SLC39A9: variants seen among roughly 807,000 people sequenced by gnomAD.
The protein encoded by SLC39A9 is solute carrier family 39 member 9.
SLC39A9 carries 14 observed loss-of-function variants against 28.4 expected under a neutral mutation model. That is an observed-to-expected ratio of 0.49 (90% CI 0.33 to 0.77). The LOEUF (loss-of-function observed/expected upper bound fraction) is 0.77. Among genes scored for constraint, SLC39A9 ranks in the 30% least tolerant of loss-of-function variants. SLC39A9 has a pLI of 0.02. For missense variants in SLC39A9, 283 were observed against 381.1 expected, an observed-to-expected ratio of 0.74 and a Z score of 2.14; for synonymous variants, 119 against 149.6, an observed-to-expected ratio of 0.80 and a Z score of 1.49.
rs1886094385 is a variant in SLC39A9, at chr14:69,461,143, T to C, written c.*2550T>C. The stretch of plus-strand genomic sequence containing the variant: ...GCTGCCATGATTACAGATGGAATTA[T>C]TGGCTACCAAAGAGACGCAATTGAT... On this transcript the variant is annotated 3_prime_UTR_variant, in exon 7 of 7. Transcript: ENST00000336643. The C allele has an allele frequency of 1.0e-6, 1 of 987,110 alleles. No individual in the cohort carries two copies. Among genetic ancestry groups the C allele is most frequent in the African/African-American group, 1.7e-5 (1 of 57,266 alleles). The allele number at this position is 987,110 out of a possible 1,614,324, so 61.1% of individuals were successfully genotyped here. A position where few individuals can be genotyped will look rare whatever the true frequency, so the allele number is the denominator to read the frequency against.
At chr14:69,455,682 A>G in intron 5 of SLC39A9, 50 bp from the exon 6 acceptor site, 1 of 1,608,122 alleles carries the variant, frequency 6.2e-7, no homozygotes, top group East Asian at 2.2e-5. Flanking sequence ...TTGATGTAGA[A>G]GCAACCCATA....
chr14:69,442,874 A>G (rs1885113208), intron 3 of SLC39A9, among the ~76,000 whole-genome samples: 1 of 152,192 alleles, frequency 6.6e-6, no homozygotes, highest in African/African-American at 2.4e-5. Context: ...TTAAACATCT[A>G]GTTGATTTTG....
At chr14:69,454,988 A>G in intron 5 of SLC39A9, 91 bp downstream of exon 5, 1 of 889,854 alleles carries the variant, frequency 1.1e-6, no homozygotes, top group Admixed American at 2.3e-5. Flanking sequence ...GAATGGGAAC[A>G]TTTTCTTCAT....
At chr14:69,442,336 A>G in intron 3 of SLC39A9, 70 bp downstream of exon 3, 2 of 1,460,646 alleles carry the variant, frequency 1.4e-6, no homozygotes, top group Admixed American at 3.5e-5. Flanking sequence ...ACGATCAAAT[A>G]TTTCAGTCTG....
chr14:69,411,327 C>G (rs1223588123), intron 1 of SLC39A9, among the ~76,000 whole-genome samples: 1 of 152,058 alleles, frequency 6.6e-6, no homozygotes, highest in East Asian at 1.9e-4. Flanking sequence ...TTGGTGTCTG[C>G]CAAGAAATAT....
intron 2 of SLC39A9, among the ~76,000 whole-genome samples, chr14:69,432,330 TC>T (rs981008121): frequency 6.6e-6 from 1 of 152,226 alleles, no homozygotes; most frequent in Non-Finnish European, 1.5e-5. Flanking sequence ...GAGTGGTTTT[TC>T]ATGTTTGTTG....
chr14:69,434,130 C>T (rs1347175903), intron 2 of SLC39A9, among the ~76,000 whole-genome samples: 2 of 146,806 alleles, frequency 1.4e-5, no homozygotes, highest in Non-Finnish European at 3.0e-5. Context: ...GTTGCCCAGA[C>T]TGGAGTGCAG....
intron 3 of SLC39A9, among the ~76,000 whole-genome samples, chr14:69,452,841 T>G (rs965069893): frequency 7.9e-5 from 12 of 152,172 alleles, no homozygotes; most frequent in African/African-American, 2.4e-4. Context: ...TAGATTGGTC[T>G]GGAAAGAAAT....
At chr14:69,446,953 G>T (rs1332181994) in intron 3 of SLC39A9, among the ~76,000 whole-genome samples, 2 of 147,532 alleles carry the variant, frequency 1.4e-5, no homozygotes, top group African/African-American at 5.0e-5. Context: ...TATATAGAGA[G>T]AGAGAGAGAG....
rs1158248472 is a variant in SLC39A9 at position 69,459,962 on chromosome 14, CAT to C, written c.*1370_*1371del. Reference sequence around the variant, plus strand: ...TTGAGCCCTTAAAATACCACCTCCTCATGTGTAAATTGACACAATCACTAATC... The same window carrying C: ...TTGAGCCCTTAAAATACCACCTCCTCGTGTAAATTGACACAATCACTAATC... On this transcript the variant is annotated 3_prime_UTR_variant, in exon 7 of 7. Coordinates refer to ENST00000336643, the MANE Select transcript of SLC39A9 (RefSeq NM_018375.5). The C allele has an allele frequency of 7.1e-6, 7 of 985,364 alleles. No individual in the cohort carries two copies. The highest frequency in any genetic ancestry group is 7.0e-5 in the African/African-American group (4 of 57,218). 61.0% of individuals were successfully genotyped at this position (985,364 alleles called of 1,614,324 possible).
rs549277204 is a variant in SLC39A9 at position 69,408,971 on chromosome 14, C to T, written c.96+9506C>T. 1.4e-4 allele frequency among the ~76,000 whole-genome samples: 22 copies of T among 152,254 alleles called. No homozygotes were observed. The East Asian group carries it at 3.7e-3, about 25-fold the overall frequency. On this transcript the variant is annotated intron_variant, in intron 1 of 6. Transcript: ENST00000336643. ...ATGTCAACTGATATGTCAGGTTCTA[C>T]GTTGATTTTAACAGTAACCTTGAAA...
chr14:69,411,161 A>G (rs933753193), intron 1 of SLC39A9, among the ~76,000 whole-genome samples: 1 of 147,942 alleles, frequency 6.8e-6, no homozygotes, highest in Non-Finnish European at 1.5e-5. Context: ...GCAGTAAGCC[A>G]GGTTCACACC....
chr14:69,456,602 C>G (rs1885876730), intron 6 of SLC39A9, among the ~76,000 whole-genome samples: 1 of 152,180 alleles, frequency 6.6e-6, no homozygotes, highest in Non-Finnish European at 1.5e-5. Context: ...CAAGCTGGAC[C>G]TTCCCATGCC....
intron 3 of SLC39A9, 69 bp from the exon 4 acceptor site, chr14:69,453,172 C>T (rs973419846): frequency 3.6e-6 from 5 of 1,387,430 alleles, no homozygotes; most frequent in South Asian, 2.3e-5. Flanking sequence ...ATTCTTTCAC[C>T]TCCAGACCAA....
intron 1 of SLC39A9, among the ~76,000 whole-genome samples, chr14:69,406,844 CTTTG>C (rs1225505065): frequency 1.4e-4 from 14 of 99,490 alleles, no homozygotes; most frequent in Admixed American, 1.1e-3. Context: ...ACTGGAAATT[CTTTG>C]TTTTTTTTTT....
In SLC39A9 at chr14:69,420,847, T is replaced by C. The variant is rs1883846095; in HGVS notation, c.97-3247T>C. 2.6e-5 allele frequency among the ~76,000 whole-genome samples: 4 copies of C among 152,222 alleles called. 1 individual carries two copies. The South Asian group carries it at 8.3e-4, about 32-fold the overall frequency. The stretch of plus-strand genomic sequence containing the variant: ...TGCCATGGTTTTCAGCTACATCAGG[T>C]CATTTAAGGTCTTCTCTACATTGTT... On this transcript the variant is annotated intron_variant, in intron 1 of 6. Coordinates refer to ENST00000336643, the MANE Select transcript of SLC39A9 (RefSeq NM_018375.5).
intron 4 of SLC39A9, among the ~76,000 whole-genome samples, chr14:69,453,981 C>G (rs1885738329): frequency 6.6e-6 from 1 of 152,210 alleles, no homozygotes; most frequent in Non-Finnish European, 1.5e-5. Flanking sequence ...CGCTTCTGTC[C>G]TGAACAGCTC....
intron 1 of SLC39A9, among the ~76,000 whole-genome samples, chr14:69,402,225 T>TAA (rs879468233): frequency 1.4e-5 from 2 of 138,686 alleles, no homozygotes; most frequent in Admixed American, 7.2e-5. Flanking sequence ...GGTGATGAGC[T>TAA]AAAAAAAAAA....
intron 1 of SLC39A9, among the ~76,000 whole-genome samples, chr14:69,411,714 A>T (rs939709485): frequency 6.6e-6 from 1 of 152,188 alleles, no homozygotes; most frequent in Non-Finnish European, 1.5e-5. Flanking sequence ...CAGCCATACA[A>T]ATACATGAAG....
Sources: gnomAD v4.1 joint callset for allele counts (sites outside exome capture counted in the v4.1 genomes callset) on GRCh38, gnomAD v4.1.1 for gene constraint, MANE v1.5 for transcripts, NCBI Gene and HGNC (gene_info 2026-07-23, HGNC 2026-07-21) for gene names.